PID1: variants seen among roughly 807,000 people sequenced by gnomAD.
PID1 encodes the protein phosphotyrosine interaction domain containing 1.
PID1 carries 10 observed loss-of-function variants against 19.1 expected under a neutral mutation model. The observed-to-expected ratio is 0.52, with a 90% CI of 0.32 to 0.89. PID1 has a LOEUF of 0.89. Among genes scored for constraint, PID1 ranks in the 40% least tolerant of loss-of-function variants. The probability of loss-of-function intolerance (pLI) is 0.03; values close to 1 mark genes in which losing one functional copy is unlikely to be tolerated. For missense variants in PID1, 248 were observed against 285.3 expected, an observed-to-expected ratio of 0.87 and a Z score of 0.94; for synonymous variants, 130 against 116.0, an observed-to-expected ratio of 1.12 and a Z score of -0.78.
intron 2 of PID1, among the ~76,000 whole-genome samples, chr2:229,029,726 C>T (rs141026572): frequency 0.011 from 1,604 of 151,736 alleles, 13 homozygotes; most frequent in Non-Finnish European, 0.016. Context: ...TGTAATCCCA[C>T]CTACTCAGAA....
chr2:229,062,031 C>T (rs1694222833), intron 2 of PID1, among the ~76,000 whole-genome samples: 2 of 151,902 alleles, frequency 1.3e-5, no homozygotes, highest in African/African-American at 4.8e-5. Flanking sequence ...ATCATGTCAT[C>T]AGCAAACAGA....
chr2:229,240,205 T>C (rs1389499753), intron 1 of PID1, among the ~76,000 whole-genome samples: 1 of 152,112 alleles, frequency 6.6e-6, no homozygotes, highest in African/African-American at 2.4e-5. Flanking sequence ...AAAATAAAAA[T>C]GAAGAATAAA....
chr2:229,195,370 CATAT>C (rs758199391), intron 1 of PID1, among the ~76,000 whole-genome samples: 2 of 151,600 alleles, frequency 1.3e-5, no homozygotes, highest in Non-Finnish European at 3.0e-5. Flanking sequence ...TACACACATA[CATAT>C]AAACACACAT....
At chr2:229,120,430 C>T (rs1344575060) in intron 2 of PID1, among the ~76,000 whole-genome samples, 1 of 151,824 alleles carries the variant, frequency 6.6e-6, no homozygotes, top group Non-Finnish European at 1.5e-5. Flanking sequence ...AGTGTGCCAA[C>T]ATAAAGGTTC....
Position 229,155,827 on chromosome 2 carries a change from A to G in PID1, c.168T>C (p.Ser56=). ...TTPLMKTRTH[S]GCKVTYLGKV... Reference sequence around the variant, plus strand: ...GCCACGTGCCCCATACCTTGCAGCCACTGTGAGTCCTTGTCTTCATCAGCG... The same window carrying G: ...GCCACGTGCCCCATACCTTGCAGCCGCTGTGAGTCCTTGTCTTCATCAGCG... The change falls in exon 2 of 3, where the codon AGT becomes AGC. Residue 56 remains serine, a synonymous_variant. Coordinates refer to ENST00000392055, the MANE Select transcript of PID1 (RefSeq NM_001100818.2). 1 of 1,611,466 alleles carries G rather than the reference A, an allele frequency of 6.2e-7. No homozygotes were observed. The highest frequency in any genetic ancestry group is 1.1e-5 in the South Asian group (1 of 90,814).
intron 1 of PID1, among the ~76,000 whole-genome samples, chr2:229,265,519 C>G (rs1254784977): frequency 6.6e-6 from 1 of 152,156 alleles, no homozygotes; most frequent in Non-Finnish European, 1.5e-5. Flanking sequence ...CACAAAATGA[C>G]AGTAGACTAA....
In PID1 at chr2:229,196,290, A is replaced by G. The variant is rs149533958; in HGVS notation, c.31-40326T>C. ...CAGTTTCATTGTTAACCTTGATAAA[A>G]GAAATATAGGTTAGCCTTTTCAAAC... On this transcript the variant is annotated intron_variant, in intron 1 of 2. Transcript: ENST00000392055. 2.6e-5 allele frequency among the ~76,000 whole-genome samples: 4 copies of G among 152,222 alleles called. No homozygotes were observed. The South Asian group carries it at 8.3e-4, about 32-fold the overall frequency.
At chr2:229,245,875 G>A (rs889769233) in intron 1 of PID1, among the ~76,000 whole-genome samples, 2 of 151,982 alleles carry the variant, frequency 1.3e-5, no homozygotes, top group Non-Finnish European at 2.9e-5. Flanking sequence ...ATTATACCAC[G>A]TTCACTTAGG....
chr2:229,145,790 G>A (rs949279697), intron 2 of PID1, among the ~76,000 whole-genome samples: 1 of 152,064 alleles, frequency 6.6e-6, no homozygotes, highest in African/African-American at 2.4e-5. Context: ...GTGAATATTT[G>A]TAGTACAAAA....
chr2:229,033,657 T>C (rs1693601685), intron 2 of PID1, among the ~76,000 whole-genome samples: 1 of 152,160 alleles, frequency 6.6e-6, no homozygotes, highest in Non-Finnish European at 1.5e-5. Context: ...TCTGCACATG[T>C]ATCCCAGAAC....
intron 2 of PID1, among the ~76,000 whole-genome samples, chr2:229,130,445 C>T (rs550116552): frequency 2.6e-4 from 39 of 152,192 alleles, no homozygotes; most frequent in Non-Finnish European, 3.8e-4. Context: ...ATAGAAAAGT[C>T]TTTAAATAAA....
intron 1 of PID1, among the ~76,000 whole-genome samples, chr2:229,185,072 A>ATATCCTACATC (rs1691095964): frequency 6.8e-6 from 1 of 146,158 alleles, no homozygotes; most frequent in Non-Finnish European, 1.5e-5. Context: ...CTCCATATAT[A>ATATCCTACATC]TATATCCTAC....
chr2:229,159,421 A>G (rs1559262617), intron 1 of PID1, among the ~76,000 whole-genome samples: 1 of 152,208 alleles, frequency 6.6e-6, no homozygotes, highest in Non-Finnish European at 1.5e-5. Context: ...AGAGTAAGCT[A>G]GATAATTAGG....
intron 1 of PID1, among the ~76,000 whole-genome samples, chr2:229,169,280 G>T (rs1419959): frequency 0.34 from 51,166 of 151,914 alleles, 9,708 homozygotes; most frequent in Admixed American, 0.52. Flanking sequence ...TCTTTTGGGA[G>T]CCCCTGTTTT....
At chr2:229,241,180 T>TCTTCTTAGG (rs1384524100) in intron 1 of PID1, among the ~76,000 whole-genome samples, 14 of 152,140 alleles carry the variant, frequency 9.2e-5, no homozygotes, top group Non-Finnish European at 1.6e-4. Flanking sequence ...CACAGCTGTG[T>TCTTCTTAGG]CTTCTTAGGG....
chr2:229,159,367 G>T (rs1690447749), intron 1 of PID1, among the ~76,000 whole-genome samples: 1 of 152,180 alleles, frequency 6.6e-6, no homozygotes, highest in South Asian at 2.1e-4. Context: ...AAGGTATTTT[G>T]TAGATGTGAT....
chr2:229,078,841 T>C (rs1694613737), intron 2 of PID1, among the ~76,000 whole-genome samples: 1 of 152,230 alleles, frequency 6.6e-6, no homozygotes, highest in Non-Finnish European at 1.5e-5. Context: ...ATCCTGCTTT[T>C]TCTTCCAGGT....
intron 2 of PID1, among the ~76,000 whole-genome samples, chr2:229,141,723 C>T (rs1690015925): frequency 6.6e-6 from 1 of 152,040 alleles, no homozygotes; most frequent in Non-Finnish European, 1.5e-5. Flanking sequence ...TTCATTTATC[C>T]TCATTACTTC....
At chr2:229,246,608 A>G (rs1254806354) in intron 1 of PID1, among the ~76,000 whole-genome samples, 2 of 152,186 alleles carry the variant, frequency 1.3e-5, no homozygotes, top group Admixed American at 6.6e-5. Flanking sequence ...GCAGAGGAAG[A>G]ACCATCCACG....
Sources: gnomAD v4.1 joint callset for allele counts (sites outside exome capture counted in the v4.1 genomes callset) on GRCh38, gnomAD v4.1.1 for gene constraint, MANE v1.5 for transcripts, NCBI Gene and HGNC (gene_info 2026-07-23, HGNC 2026-07-21) for gene names.